The following REDIC1 variants were observed in gnomAD, a reference collection of about 807,000 sequenced individuals.
REDIC1 encodes HEI10 Interacting Protein 1.
the REDIC1 span, among the ~76,000 whole-genome samples, chr12:39,774,778 T>A: frequency 6.6e-6 from 1 of 152,210 alleles, no homozygotes; most frequent in African/African-American, 2.4e-5. Context: ...TTTTCCTGAA[T>A]AAAATATTAT....
chr12:39,812,996 ATTT>A, the REDIC1 span, among the ~76,000 whole-genome samples: 74 of 40,608 alleles, frequency 1.8e-3, 2 homozygotes, highest in East Asian at 0.011. Flanking sequence ...TGCCCAGCTA[ATTT>A]TTTTTTTTTT....
the REDIC1 span, among the ~76,000 whole-genome samples, chr12:39,672,672 C>T: frequency 6.6e-6 from 1 of 152,106 alleles, no homozygotes; most frequent in Non-Finnish European, 1.5e-5. Flanking sequence ...GCTACACCAC[C>T]TTTTCCCTAG....
chr12:39,660,259 C>G, the REDIC1 span, among the ~76,000 whole-genome samples: 1 of 152,176 alleles, frequency 6.6e-6, no homozygotes, highest in Non-Finnish European at 1.5e-5. Context: ...TTATGGTACT[C>G]TAACTTGTGA....
At chr12:39,738,112 T>A in the REDIC1 span, among the ~76,000 whole-genome samples, 1 of 152,224 alleles carries the variant, frequency 6.6e-6, no homozygotes, top group Non-Finnish European at 1.5e-5. Context: ...CTATCGGAAG[T>A]CTTTTCTAAT....
the REDIC1 span, among the ~76,000 whole-genome samples, chr12:39,722,469 C>A: frequency 6.6e-6 from 1 of 152,114 alleles, no homozygotes; most frequent in Non-Finnish European, 1.5e-5. Flanking sequence ...TTATCCTGAG[C>A]ATTATTTTGC....
the REDIC1 span, among the ~76,000 whole-genome samples, chr12:39,784,345 C>T: frequency 2.6e-5 from 4 of 152,218 alleles, no homozygotes; most frequent in Non-Finnish European, 4.4e-5. Flanking sequence ...CTACAGTAAC[C>T]AAAACAGCAT....
the REDIC1 span, among the ~76,000 whole-genome samples, chr12:39,651,568 C>T: frequency 6.6e-6 from 1 of 152,026 alleles, no homozygotes; most frequent in Non-Finnish European, 1.5e-5. Context: ...GTCCATTTCA[C>T]CAAAAAAGTT....
chr12:39,712,283 TAC>T, the REDIC1 span, among the ~76,000 whole-genome samples: 5 of 138,750 alleles, frequency 3.6e-5, no homozygotes, highest in Admixed American at 7.3e-5. Flanking sequence ...CATGTATATA[TAC>T]CTGTATGTAT....
the REDIC1 span, among the ~76,000 whole-genome samples, chr12:39,897,652 T>C: frequency 1.3e-5 from 2 of 152,166 alleles, no homozygotes; most frequent in South Asian, 4.1e-4. Context: ...AGAAGGTGAA[T>C]TTTTTATTTT....
the REDIC1 span, among the ~76,000 whole-genome samples, chr12:39,742,060 G>T: frequency 3.9e-5 from 6 of 152,110 alleles, no homozygotes. Flanking sequence ...CCAAAATGGT[G>T]GGGGGTATAA....
the REDIC1 span, among the ~76,000 whole-genome samples, chr12:39,659,508 A>G: frequency 1.3e-5 from 2 of 151,998 alleles, no homozygotes; most frequent in Non-Finnish European, 2.9e-5. Flanking sequence ...AGATTATATT[A>G]CTATATCTTC....
chr12:39,787,533 T>C, the REDIC1 span, among the ~76,000 whole-genome samples: 1 of 152,192 alleles, frequency 6.6e-6, no homozygotes, highest in Non-Finnish European at 1.5e-5. Flanking sequence ...CCAGGCATAC[T>C]ACTTTTCTTA....
chr12:39,737,041 A>G, the REDIC1 span: 1 of 152,192 alleles, frequency 6.6e-6, no homozygotes, highest in Non-Finnish European at 1.5e-5. Context: ...TAACTGTCTT[A>G]TTCTCCTTAC....
the REDIC1 span, among the ~76,000 whole-genome samples, chr12:39,786,974 T>A: frequency 1.6e-5 from 2 of 124,742 alleles, no homozygotes; most frequent in African/African-American, 6.1e-5. Context: ...TGGGCATATT[T>A]TCTGTGTTTT....
At chr12:39,696,271 C>T in the REDIC1 span, among the ~76,000 whole-genome samples, 6 of 151,010 alleles carry the variant, frequency 4.0e-5, no homozygotes, top group South Asian at 2.1e-4. Flanking sequence ...GGGCCGGGCG[C>T]GGTGGCTCAC....
chr12:39,667,552 G>T, the REDIC1 span, among the ~76,000 whole-genome samples: 111,902 of 152,018 alleles, frequency 0.74, 42,603 homozygotes, highest in Non-Finnish European at 0.84. Flanking sequence ...TGTTGATTTG[G>T]GGTGGAGAGT....
chr12:39,728,780 CTTTTT>C, the REDIC1 span, among the ~76,000 whole-genome samples: 2 of 92,188 alleles, frequency 2.2e-5, no homozygotes, highest in African/African-American at 4.4e-5. Flanking sequence ...TGGTCCTGGG[CTTTTT>C]TTTTTTTTTT....
chr12:39,795,076 T>C, the REDIC1 span, among the ~76,000 whole-genome samples: 19 of 152,276 alleles, frequency 1.2e-4, no homozygotes, highest in Admixed American at 8.5e-4. Context: ...TTCGGGAATA[T>C]TCTCAGTTAT....
the REDIC1 span, among the ~76,000 whole-genome samples, chr12:39,884,361 AT>A: frequency 1.3e-5 from 2 of 152,172 alleles, no homozygotes; most frequent in Non-Finnish European, 2.9e-5. Context: ...AGACCCTTTA[AT>A]TTTTTCCTTC....
Sources: allele counts gnomAD v4.1 joint callset (sites outside exome capture counted in the v4.1 genomes callset), GRCh38; gene constraint gnomAD v4.1.1; transcripts MANE v1.5; gene names NCBI Gene and HGNC (gene_info 2026-07-23, HGNC 2026-07-21).